Variants in COL2A1 observed in about 807,000 individuals in gnomAD.
COL2A1 encodes the protein collagen alpha-1(II) chain.
In COL2A1, 28 loss-of-function variants were observed where a neutral mutation model predicts 204.5. The ratio of observed to expected loss-of-function variants is 0.14; its 90% CI spans 0.10 to 0.19. The LOEUF (loss-of-function observed/expected upper bound fraction) is 0.19. COL2A1 is among the 10% of genes least tolerant of loss of function. COL2A1 has a pLI of 1.00. For synonymous variants in COL2A1, 708 were observed against 718.7 expected, an observed-to-expected ratio of 0.99 and a Z score of 0.24; for missense variants, 1,388 against 2,027.5, an observed-to-expected ratio of 0.68 and a Z score of 6.06.
chr12:47,982,303 C>T, intron 34 of COL2A1, 143 bp from the exon 35 acceptor site: 1 of 841,450 alleles, frequency 1.2e-6, no homozygotes, highest in African/African-American at 1.7e-5. Context: ...GGGTGAGGAG[C>T]AGCAGGGGTG....
intron 2 of COL2A1, among the ~76,000 whole-genome samples, chr12:47,999,314 C>T (rs186946317): frequency 9.8e-5 from 15 of 152,306 alleles, no homozygotes; most frequent in African/African-American, 2.9e-4. Context: ...TGTCTCCACC[C>T]GTCCCCACGA....
At position 47,993,983 on chromosome 12, in the gene COL2A1, G is replaced by A. The variant is rs191695664; in HGVS notation, c.870+11C>T. ...TCTCTTCCTTCCAACCTTCTCACCC[G>A]TGATACTTACTCTGTGACCTTTGAC... is the stretch of plus-strand genomic sequence containing the variant. On this transcript the variant is annotated intron_variant, in intron 13 of 53. Coordinates refer to ENST00000380518, the MANE Select transcript of COL2A1 (RefSeq NM_001844.5). The A allele has an allele frequency of 1.7e-4, 269 of 1,614,102 alleles. 2 individuals carry two copies. The highest frequency in any genetic ancestry group is 1.3e-3 in the African/African-American group (97 of 75,038).
rs1938709964 is a variant in COL2A1 at position 47,976,425 on chromosome 12, C to T, written c.3489+89G>A. 1.5e-5 allele frequency: 22 copies of T among 1,457,004 alleles called. No homozygotes were observed. In the South Asian group the frequency reaches 2.2e-4, roughly 14 times the overall value. 90.3% of individuals were successfully genotyped at this position (1,457,004 alleles called of 1,614,324 possible). On this transcript the variant is annotated intron_variant, in intron 49 of 53. Coordinates refer to ENST00000380518, the MANE Select transcript of COL2A1 (RefSeq NM_001844.5). This position sits in a 1 kb window ranked among gnomAD's most constrained non-coding sequence, Gnocchi z 4.3. ...GAGGACCCCTGAGCCCACAGCTTCC[C>T]CAGAAGCAGCAGCATTTCCCTCCCC... is the stretch of plus-strand genomic sequence containing the variant.
At position 47,974,479 on chromosome 12, in the gene COL2A1, G is replaced by A. The variant is rs73297138; in HGVS notation, c.4075-148C>T. The A allele has an allele frequency of 1.0e-3, 1,312 of 1,288,000 alleles. 9 individuals are homozygous for A. The African/African-American group carries it at 0.017, about 17-fold the overall frequency. 79.8% of individuals were successfully genotyped at this position (1,288,000 alleles called of 1,614,324 possible). A position where few individuals can be genotyped will look rare whatever the true frequency, so the allele number is the denominator to read the frequency against. ...TAGTTGGACATTTTTGCTTCCAGGA[G>A]TGGAGCAAGCTCAGAGGACCTCTTT... On this transcript the variant is annotated intron_variant, in intron 52 of 53. Transcript: ENST00000380518.
At chr12:47,993,018 A>G in intron 15 of COL2A1, 87 bp from the exon 16 acceptor site, 1 of 1,287,412 alleles carries the variant, frequency 7.8e-7, no homozygotes, top group South Asian at 1.2e-5. Flanking sequence ...CTTTGCGGAT[A>G]CCAGAGGAGA....
chr12:47,973,544 C>T lies in COL2A1; in HGVS notation c.4327G>A (p.Gly1443Ser), dbSNP rs78690642. The T allele has an allele frequency of 7.8e-4, 1,264 of 1,614,024 alleles. 15 individuals are homozygous for T. In the African/African-American group the frequency reaches 0.015, roughly 19 times the overall value. The stretch of plus-strand genomic sequence containing the variant: ...TCGATAACAGTCTTGCCCCACTTAC[C>T]GGTATGTTTCTAGGGGAGAAAAAAG... ...ALKDGCTKHT[G>S]KWGKTVIEYR... is the part of the protein sequence containing the mutation. The change falls in exon 54 of 54, where the codon GGT becomes AGT. Residue 1443 changes from glycine (G) to serine (S), a missense_variant. This residue lies in a region of COL2A1 where 303 missense variants were observed against 369.2 expected (regional missense o/e 0.82). Coordinates refer to ENST00000380518, the MANE Select transcript of COL2A1 (RefSeq NM_001844.5).
At position 47,987,745 on chromosome 12, in the gene COL2A1, G is replaced by A; in HGVS notation, c.1123-36C>T. 2 of 1,544,148 alleles carry A rather than the reference G, an allele frequency of 1.3e-6. No individual in the cohort carries two copies. The highest frequency in any genetic ancestry group is 8.9e-7 in the Non-Finnish European group (1 of 1,126,008). On this transcript the variant is annotated intron_variant, in intron 18 of 53. Transcript: ENST00000380518. The surrounding 1 kb of genome is among the most constrained non-coding windows in gnomAD (Gnocchi z 4.1). Reference sequence around the variant, plus strand: ...ACAGGGAGGATGAAATGAAGAAGAAGAGAGGGGACACAGACCTCTAGTGGG... The same window carrying A: ...ACAGGGAGGATGAAATGAAGAAGAAAAGAGGGGACACAGACCTCTAGTGGG...
intron 18 of COL2A1, among the ~76,000 whole-genome samples, chr12:47,988,654 C>T (rs550297607): frequency 1.3e-5 from 2 of 152,370 alleles, no homozygotes; most frequent in East Asian, 3.9e-4. Context: ...CTTATTCATT[C>T]CCAGGGACGT....
chr12:47,981,210 A>C (rs770715165), intron 37 of COL2A1, 133 bp downstream of exon 37: 63 of 1,015,260 alleles, frequency 6.2e-5, no homozygotes, highest in Non-Finnish European at 9.2e-5. Context: ...CCCTAGACCC[A>C]GCGGGTAGGG....
In COL2A1 at chr12:47,973,338, G is replaced by C; in HGVS notation, c.*69C>G. 6.2e-7 allele frequency: 1 copy of C among 1,604,784 alleles called. No individual in the cohort carries two copies. Among genetic ancestry groups the C allele is most frequent in the Non-Finnish European group, 8.5e-7 (1 of 1,171,444 alleles). On this transcript the variant is annotated 3_prime_UTR_variant, in exon 54 of 54. Coordinates refer to ENST00000380518, the MANE Select transcript of COL2A1 (RefSeq NM_001844.5). ...GCCATTCAGTGCAGAGTCCTAGAGT[G>C]ACTGAGATTGGAAAGTACTTGGGTC...
chr12:47,975,899 AAG>A, intron 50 of COL2A1, 62 bp downstream of exon 50: 1 of 1,289,350 alleles, frequency 7.8e-7, no homozygotes, highest in Non-Finnish European at 1.1e-6. Flanking sequence ...CTGAGCAAAA[AAG>A]AGCTCAAGCC....
At chr12:47,979,920 G>T in intron 40 of COL2A1, 89 bp downstream of exon 40, 1 of 1,133,606 alleles carries the variant, frequency 8.8e-7, no homozygotes, top group Non-Finnish European at 1.2e-6. Flanking sequence ...AAAACAGTCG[G>T]GGGCATCCCA....
In COL2A1 at chr12:47,978,551, G is replaced by A. The variant is rs201731860; in HGVS notation, c.2895+46C>T. On this transcript the variant is annotated intron_variant, in intron 42 of 53. Coordinates refer to ENST00000380518, the MANE Select transcript of COL2A1 (RefSeq NM_001844.5). The surrounding 1 kb of genome is among the most constrained non-coding windows in gnomAD (Gnocchi z 5.5). Reference sequence around the variant, plus strand: ...CTCTGTGAGCTCAGAAGCCACTCACGACCCTGCTCCCAGGGACCTTGGCAT... The same window carrying A: ...CTCTGTGAGCTCAGAAGCCACTCACAACCCTGCTCCCAGGGACCTTGGCAT... The A allele has an allele frequency of 2.6e-5, 42 of 1,611,772 alleles. No homozygotes were observed. The highest frequency in any genetic ancestry group is 1.2e-4 in the Admixed American group (7 of 59,914).
intron 26 of COL2A1, 76 bp from the exon 27 acceptor site, chr12:47,985,169 A>C: frequency 5.0e-6 from 6 of 1,202,818 alleles, no homozygotes; most frequent in South Asian, 1.3e-5. Context: ...CTAAGGGCCT[A>C]CATGGCAGGC....
At position 47,980,879 on chromosome 12, in the gene COL2A1, G is replaced by T; in HGVS notation, c.2517+36C>A. 1.9e-6 allele frequency: 3 copies of T among 1,551,320 alleles called. No individual in the cohort carries two copies. In the South Asian group the frequency reaches 3.6e-5, roughly 18 times the overall value. On this transcript the variant is annotated intron_variant, in intron 38 of 53. Coordinates refer to ENST00000380518, the MANE Select transcript of COL2A1 (RefSeq NM_001844.5). This position sits in a 1 kb window ranked among gnomAD's most constrained non-coding sequence, Gnocchi z 4.5. ...GGTGCTGGATGTGGAACTGGCCTGA[G>T]TGGAGGGACCCAGGAGGATGGACAG...
In COL2A1 at chr12:47,976,143, G is replaced by A; in HGVS notation, c.3490-73C>T. On this transcript the variant is annotated intron_variant, in intron 49 of 53. Transcript: ENST00000380518. This position sits in a 1 kb window ranked among gnomAD's most constrained non-coding sequence, Gnocchi z 4.3. ...GCTGGGGAGTCGCTGGGGCTGGGTAGGTGGCTGTCCTGATAGCACCAGCCA... is the reference window on the plus strand; with the variant it reads ...GCTGGGGAGTCGCTGGGGCTGGGTAAGTGGCTGTCCTGATAGCACCAGCCA... 1 of 1,084,536 alleles carries A rather than the reference G, an allele frequency of 9.2e-7. No individual in the cohort carries two copies. 67.2% of individuals were successfully genotyped at this position (1,084,536 alleles called of 1,614,324 possible). A position where few individuals can be genotyped will look rare whatever the true frequency, so the allele number is the denominator to read the frequency against.
intron 22 of COL2A1, 136 bp downstream of exon 22, chr12:47,986,699 C>T: frequency 1.9e-6 from 2 of 1,046,720 alleles, no homozygotes. Flanking sequence ...TGTTAAGTCT[C>T]CTCCAGGCAT....
At position 48,004,257 on chromosome 12, in the gene COL2A1, C is replaced by T; in HGVS notation, c.65G>A (p.Arg22Gln). The T allele has an allele frequency of 6.5e-7, 1 of 1,550,210 alleles. No individual in the cohort carries two copies. Among genetic ancestry groups the T allele is most frequent in the Non-Finnish European group, 8.7e-7 (1 of 1,146,382 alleles). ...LLTLLVAAVL[R>Q]CQGQDVQEAG... is the part of the protein sequence containing the mutation. ...CTTACGGACATCCTGGCCCTGACAC[C>T]GAAGGACAGCGGCGACGAGCAGCGT... The change falls in exon 1 of 54, where the codon CGG (arginine) becomes CAG (glutamine). Residue 22 changes from arginine (R) to glutamine (Q), a missense_variant. This residue lies in a region of COL2A1 where 201 missense variants were observed against 242.4 expected (regional missense o/e 0.83). Coordinates refer to ENST00000380518, the MANE Select transcript of COL2A1 (RefSeq NM_001844.5).
At chr12:48,001,527 C>A (rs1273814146) in intron 1 of COL2A1, among the ~76,000 whole-genome samples, 10 of 152,018 alleles carry the variant, frequency 6.6e-5, no homozygotes, top group Admixed American at 6.5e-4. Context: ...GGAGAGCCCA[C>A]CCTCGCCCAT....
Sources: allele counts gnomAD v4.1 joint callset (sites outside exome capture counted in the v4.1 genomes callset), GRCh38; gene constraint gnomAD v4.1.1; regional missense constraint gnomAD v4.1.1; non-coding constraint Gnocchi (gnomAD v3.1); transcripts MANE v1.5; gene names NCBI Gene and HGNC (gene_info 2026-07-23, HGNC 2026-07-21).